Variants in PTGER3 observed in about 807,000 individuals in gnomAD.
The protein encoded by PTGER3 is prostaglandin E receptor 3.
In PTGER3, 22 loss-of-function variants were observed where a neutral mutation model predicts 34.7. The ratio of observed to expected loss-of-function variants is 0.63; its 90% CI spans 0.45 to 0.91. The LOEUF (loss-of-function observed/expected upper bound fraction) is 0.91. Among genes scored for constraint, PTGER3 ranks in the 40% least tolerant of loss-of-function variants. PTGER3 has a pLI of 0.00. For synonymous variants in PTGER3, 241 were observed against 230.1 expected, an observed-to-expected ratio of 1.05 and a Z score of -0.43; for missense variants, 468 against 519.4, an observed-to-expected ratio of 0.90 and a Z score of 0.96.
chr1:70,983,095 G>A (rs1055509739), intron 2 of PTGER3, among the ~76,000 whole-genome samples: 1 of 151,988 alleles, frequency 6.6e-6, no homozygotes, highest in Non-Finnish European at 1.5e-5. Context: ...AGTAGAGAGA[G>A]GACAGCCACC....
chr1:71,022,417 T>C (rs1441040966), intron 1 of PTGER3, among the ~76,000 whole-genome samples: 2 of 151,916 alleles, frequency 1.3e-5, no homozygotes. Context: ...TGATGGACAA[T>C]ACAGACATGA....
chr1:70,982,367 A>C (rs967246271), intron 2 of PTGER3, among the ~76,000 whole-genome samples: 1 of 152,142 alleles, frequency 6.6e-6, no homozygotes, highest in Non-Finnish European at 1.5e-5. Context: ...TGTTGGGAAG[A>C]AATTCCTGAT....
rs59163586 is a variant in PTGER3 at position 70,917,403 on chromosome 1, TTGTGTG to T, written c.*23+36354_*23+36359del. Among the ~76,000 whole-genome samples the T allele has an allele frequency of 9.3e-3, 1,267 of 136,356 alleles. 16 individuals are homozygous for T. Among genetic ancestry groups the T allele is most frequent in the African/African-American group, 0.029 (1,045 of 35,662 alleles). 89.5% of individuals were successfully genotyped at this position (136,356 alleles called of 152,430 possible). On this transcript the variant is annotated intron_variant, in intron 4 of 4. Coordinates refer to the PTGER3 transcript ENST00000370931. The stretch of plus-strand genomic sequence containing the variant: ...TTTTATGGCTAAATAGTATTTTATT[TTGTGTG>T]TGTGTGTGTGTGTGTGTGTGTGTGT...
rs534991496 is a variant in PTGER3 at position 70,970,968 on chromosome 1, A to AT, written c.*761dup. On this transcript the variant is annotated 3_prime_UTR_variant, in exon 4 of 4. Coordinates refer to ENST00000306666, the MANE Select transcript of PTGER3 (RefSeq NM_198719.2). Reference sequence around the variant, plus strand: ...ATGGTGAATCAGAAGGCCTACCTGGATTTTTTTATCACTCTAACTGCGCAG... The same window carrying AT: ...ATGGTGAATCAGAAGGCCTACCTGGATTTTTTTTATCACTCTAACTGCGCAG... The AT allele has an allele frequency of 1.2e-4, 121 of 985,360 alleles. No homozygotes were observed. Among genetic ancestry groups the AT allele is most frequent in the South Asian group, 4.2e-4 (9 of 21,284 alleles). 61.0% of individuals were successfully genotyped at this position (985,360 alleles called of 1,614,324 possible). A position where few individuals can be genotyped will look rare whatever the true frequency, so the allele number is the denominator to read the frequency against.
At chr1:71,024,877 A>T (rs983360544) in intron 1 of PTGER3, among the ~76,000 whole-genome samples, 1 of 1,038 alleles carries the variant, frequency 9.6e-4, no homozygotes, top group Admixed American at 0.011. Context: ...TGATTCTTTT[A>T]TTTATTTATT....
chr1:70,913,671 C>T (rs571622730), intron 4 of PTGER3, among the ~76,000 whole-genome samples: 6 of 151,744 alleles, frequency 4.0e-5, no homozygotes, highest in African/African-American at 7.2e-5. Flanking sequence ...CCCAGTTTGC[C>T]GAGAGATTTT....
At chr1:71,010,792 T>G (rs1181726203) in intron 2 of PTGER3, 1 of 985,208 alleles carries the variant, frequency 1.0e-6, no homozygotes, top group African/African-American at 1.7e-5. Context: ...CAATTTGACA[T>G]GGTCATTTAA....
chr1:70,951,559 G>A (rs981257389), downstream of PTGER3: 8 of 152,274 alleles, frequency 5.3e-5, no homozygotes, highest in South Asian at 2.1e-4. Flanking sequence ...GGAAATATAC[G>A]GAGTAGAAGA....
chr1:70,940,907 A>G (rs1205369879), intron 4 of PTGER3, among the ~76,000 whole-genome samples: 1 of 152,176 alleles, frequency 6.6e-6, no homozygotes, highest in Non-Finnish European at 1.5e-5. Context: ...TGGTCACATG[A>G]TCATCTTTAA....
At chr1:71,018,067 C>T (rs1658071781) in intron 1 of PTGER3, among the ~76,000 whole-genome samples, 1 of 151,982 alleles carries the variant, frequency 6.6e-6, no homozygotes, top group African/African-American at 2.4e-5. Context: ...CACCTGGCCC[C>T]AGGTAGTTCT....
In PTGER3 at chr1:70,900,776, A is replaced by G. The variant is rs149243886; in HGVS notation, c.*24-47917T>C. ...CATTATACAGAACTTAGTGTACTCT[A>G]TGAAGAATGTCACACATGCCCTGGG... On this transcript the variant is annotated intron_variant, in intron 4 of 4. Transcript: ENST00000370931. 2.5e-3 allele frequency among the ~76,000 whole-genome samples: 380 copies of G among 152,326 alleles called. 3 individuals carry two copies. The highest frequency in any genetic ancestry group is 8.3e-3 in the African/African-American group (346 of 41,578).
chr1:70,903,363 C>T (rs1368047869), intron 4 of PTGER3, among the ~76,000 whole-genome samples: 1 of 152,116 alleles, frequency 6.6e-6, no homozygotes, highest in African/African-American at 2.4e-5. Flanking sequence ...CAACATAACA[C>T]CTCAAAACTA....
chr1:71,042,189 T>A (rs1399639113), intron 1 of PTGER3, among the ~76,000 whole-genome samples: 1 of 151,388 alleles, frequency 6.6e-6, no homozygotes, highest in Non-Finnish European at 1.5e-5. Flanking sequence ...ATCTTGTCAT[T>A]CAGGGACTAA....
At chr1:70,906,131 T>C (rs191578843) in intron 4 of PTGER3, among the ~76,000 whole-genome samples, 63 of 152,310 alleles carry the variant, frequency 4.1e-4, no homozygotes, top group African/African-American at 1.3e-3. Flanking sequence ...CCACCATGAT[T>C]CTGAGGCCTC....
intron 4 of PTGER3, among the ~76,000 whole-genome samples, chr1:70,905,599 T>C (rs1334237091): frequency 6.6e-6 from 1 of 152,118 alleles, no homozygotes; most frequent in Non-Finnish European, 1.5e-5. Context: ...TTCGGACTTG[T>C]ATGGGGCCTG....
chr1:71,040,558 C>T (rs770383301), intron 1 of PTGER3, among the ~76,000 whole-genome samples: 38 of 151,808 alleles, frequency 2.5e-4, no homozygotes, highest in Non-Finnish European at 4.1e-4. Flanking sequence ...GCAGTGAGCC[C>T]GAGATCATGC....
downstream of PTGER3, among the ~76,000 whole-genome samples, chr1:70,969,752 C>T (rs147879543): frequency 6.8e-3 from 1,032 of 152,166 alleles, 12 homozygotes; most frequent in African/African-American, 0.024. Flanking sequence ...GGGTTGATTC[C>T]GTTCATGACA....
In PTGER3 at chr1:71,006,441, AC is replaced by A. The variant is rs376015684; in HGVS notation, c.1077+5863del. 5.9e-4 allele frequency: 583 copies of A among 985,366 alleles called. 3 individuals are homozygous for A. In the African/African-American group the frequency reaches 9.4e-3, roughly 16 times the overall value. The allele number at this position is 985,366 out of a possible 1,614,324, so 61.0% of individuals were successfully genotyped here. A position where few individuals can be genotyped will look rare whatever the true frequency, so the allele number is the denominator to read the frequency against. On this transcript the variant is annotated intron_variant, in intron 2 of 3. Coordinates refer to ENST00000306666, the MANE Select transcript of PTGER3 (RefSeq NM_198719.2). ...CCACCAATACTCAGCTCACACCAAA[AC>A]TCAGGCACAAGTCAATTAAAGGGTT... is the stretch of plus-strand genomic sequence containing the variant.
At chr1:70,963,316 G>A (rs1044572580) in intron 2 of PTGER3, among the ~76,000 whole-genome samples, 1 of 152,106 alleles carries the variant, frequency 6.6e-6, no homozygotes, top group African/African-American at 2.4e-5. Flanking sequence ...TGCAGGATGG[G>A]AGCCCTCCTC....
Sources: allele counts gnomAD v4.1 joint callset (sites outside exome capture counted in the v4.1 genomes callset), GRCh38; gene constraint gnomAD v4.1.1; transcripts MANE v1.5; gene names NCBI Gene and HGNC (gene_info 2026-07-23, HGNC 2026-07-21).